Variants in DLC1 observed in about 807,000 individuals in gnomAD.
DLC1 encodes the protein DLC1 Rho GTPase activating protein.
Under a neutral mutation model 140.3 loss-of-function variants are expected in DLC1, and 54 were observed. That is an observed-to-expected ratio of 0.38 (90% confidence interval 0.31 to 0.48). The LOEUF (loss-of-function observed/expected upper bound fraction) is 0.48. Ranked by LOEUF, DLC1 falls within the 20% of genes least tolerant of loss-of-function variation. The probability of loss-of-function intolerance (pLI) is 0.96; values close to 1 mark genes in which losing one functional copy is unlikely to be tolerated. For missense variants in DLC1, 2,536 were observed against 1,907.0 expected (o/e 1.33, Z -6.14); for synonymous variants, 986 against 728.1 (o/e 1.35, Z -5.70).
Position 13,301,422 on chromosome 8 carries a change from G to A in DLC1, c.1348+3847C>T, listed in dbSNP as rs942391391. Among the ~76,000 whole-genome samples, 7 of 152,150 alleles carry A rather than the reference G, an allele frequency of 4.6e-5. No homozygotes were observed. In the South Asian group the frequency reaches 6.2e-4, roughly 14 times the overall value. On this transcript the variant is annotated intron_variant, in intron 5 of 17. Transcript: ENST00000276297. ...CACACAAGGACATCAGTGATGCAGC[G>A]AGTGTCCATTTGTCCTGTAAGCACC...
At chr8:13,134,602 A>G (rs10086729) in intron 5 of DLC1, among the ~76,000 whole-genome samples, 47,301 of 152,040 alleles carry the variant, frequency 0.31, 7,773 homozygotes, top group Admixed American at 0.45. Flanking sequence ...TATTGGTTTC[A>G]TAGCGATATC....
intron 1 of DLC1, among the ~76,000 whole-genome samples, chr8:13,587,630 G>T (rs933715274): frequency 7.4e-5 from 10 of 135,150 alleles, no homozygotes; most frequent in African/African-American, 2.7e-4. Flanking sequence ...TATATACATT[G>T]CCTATATATA....
At chr8:13,562,490 A>G (rs1804276680) in intron 1 of DLC1, among the ~76,000 whole-genome samples, 1 of 152,208 alleles carries the variant, frequency 6.6e-6, no homozygotes, top group Non-Finnish European at 1.5e-5. Flanking sequence ...ACTGCTAATA[A>G]GAAGAATTCA....
At chr8:13,562,669 A>G (rs994297816) in intron 1 of DLC1, among the ~76,000 whole-genome samples, 3 of 152,194 alleles carry the variant, frequency 2.0e-5, no homozygotes, top group Admixed American at 6.5e-5. Flanking sequence ...AAGTAAGTAG[A>G]AAACTACATA....
intron 4 of DLC1, among the ~76,000 whole-genome samples, chr8:13,307,873 C>T (rs1832513818): frequency 6.6e-6 from 1 of 152,140 alleles, no homozygotes; most frequent in Non-Finnish European, 1.5e-5. Flanking sequence ...GGCCTGTGAG[C>T]CACACTAAAC....
Position 13,085,807 on chromosome 8 carries a change from G to T in DLC1, c.*4C>A, listed in dbSNP as rs749177789. 3.7e-6 allele frequency: 6 copies of T among 1,614,124 alleles called. No homozygotes were observed. The South Asian group carries it at 6.6e-5, about 18-fold the overall frequency. Reference sequence around the variant, plus strand: ...TGGTGGAAGCGGTTGCGTTGCTTCAGTGATCACCTAGATTTGGTGTCTTTG... The same window carrying T: ...TGGTGGAAGCGGTTGCGTTGCTTCATTGATCACCTAGATTTGGTGTCTTTG... On this transcript the variant is annotated 3_prime_UTR_variant, in exon 18 of 18. Transcript: ENST00000276297.
intron 5 of DLC1, among the ~76,000 whole-genome samples, chr8:13,193,917 G>C (rs557647116): frequency 6.6e-6 from 1 of 152,004 alleles, no homozygotes. Flanking sequence ...ATCTGACGCC[G>C]CTAAAAAATC....
chr8:13,159,382 A>AG (rs1198215552), intron 5 of DLC1, among the ~76,000 whole-genome samples: 1 of 152,170 alleles, frequency 6.6e-6, no homozygotes, highest in Non-Finnish European at 1.5e-5. Flanking sequence ...GTCACTCTGA[A>AG]GGACTCCAGG....
chr8:13,340,268 T>C (rs1833983303), intron 4 of DLC1: 1 of 152,272 alleles, frequency 6.6e-6, no homozygotes, highest in Non-Finnish European at 1.5e-5. Context: ...GGGAACCATC[T>C]TGGCTCAATG....
chr8:13,103,601 G>C (rs1585629505), intron 7 of DLC1, among the ~76,000 whole-genome samples: 1 of 151,944 alleles, frequency 6.6e-6, no homozygotes, highest in African/African-American at 2.4e-5. Flanking sequence ...CACTTTGGGA[G>C]GCCGAGGCAG....
At chr8:13,337,926 A>G (rs1833876058) in intron 4 of DLC1, among the ~76,000 whole-genome samples, 1 of 152,174 alleles carries the variant, frequency 6.6e-6, no homozygotes, top group Middle Eastern at 3.2e-3. Context: ...TGTATATGCA[A>G]TTTATTACAC....
intron 5 of DLC1, among the ~76,000 whole-genome samples, chr8:13,253,666 C>A (rs368117865): frequency 2.0e-5 from 3 of 152,180 alleles, no homozygotes; most frequent in African/African-American, 7.2e-5. Context: ...AATGCAAACA[C>A]CTTAATCTTA....
At chr8:13,151,556 G>T (rs970132285) in intron 5 of DLC1, among the ~76,000 whole-genome samples, 4 of 151,946 alleles carry the variant, frequency 2.6e-5, no homozygotes, top group Non-Finnish European at 1.5e-5. Flanking sequence ...GACTGAAAAA[G>T]AAAAAAGAAT....
intron 1 of DLC1, among the ~76,000 whole-genome samples, chr8:13,585,805 C>T (rs1159564755): frequency 6.6e-6 from 1 of 152,156 alleles, no homozygotes; most frequent in African/African-American, 2.4e-5. Flanking sequence ...AATTTTCCCT[C>T]TTCATAGGGA....
rs968721727 is a variant in DLC1, at chr8:13,235,090, T to C, written c.1348+70179A>G. On this transcript the variant is annotated intron_variant, in intron 5 of 17. Coordinates refer to ENST00000276297, the MANE Select transcript of DLC1 (RefSeq NM_182643.3). ...TCTTTTGGTGATTTTTGTATTGTGA[T>C]AGAGTCTTATCCAATTATTTAATAA... Among the ~76,000 whole-genome samples the C allele has an allele frequency of 2.6e-5, 4 of 152,228 alleles. No homozygotes were observed. In the South Asian group the frequency reaches 8.3e-4, roughly 32 times the overall value.
intron 1 of DLC1, among the ~76,000 whole-genome samples, chr8:13,548,855 C>A (rs1165320860): frequency 6.6e-6 from 1 of 152,014 alleles, no homozygotes; most frequent in Admixed American, 6.6e-5. Flanking sequence ...TTTCTGACAA[C>A]AGAATTTCTC....
chr8:13,111,283 G>T (rs1231691794), intron 6 of DLC1, among the ~76,000 whole-genome samples: 1 of 152,078 alleles, frequency 6.6e-6, no homozygotes, highest in Non-Finnish European at 1.5e-5. Context: ...AATGAAAAGT[G>T]GTAGGAAATG....
chr8:13,173,382 T>C lies in DLC1; in HGVS notation c.1349-57725A>G, dbSNP rs372352235. Among the ~76,000 whole-genome samples, 580 of 147,448 alleles carry C rather than the reference T, an allele frequency of 3.9e-3. 1 individual carries two copies. Among genetic ancestry groups the C allele is most frequent in the Middle Eastern group, 0.01 (3 of 290 alleles). On this transcript the variant is annotated intron_variant, in intron 5 of 17. Coordinates refer to ENST00000276297, the MANE Select transcript of DLC1 (RefSeq NM_182643.3). Reference sequence around the variant, plus strand: ...TGTTCTGCCCTCTTTTTTTTTTTTTTTTTTTTTTGAGACGGAGTCTTGCTC... The same window carrying C: ...TGTTCTGCCCTCTTTTTTTTTTTTTCTTTTTTTTGAGACGGAGTCTTGCTC...
At chr8:13,276,414 C>T in intron 5 of DLC1, 1 of 1,463,404 alleles carries the variant, frequency 6.8e-7, no homozygotes, top group Non-Finnish European at 9.0e-7. Context: ...CTCGCAGACG[C>T]CTTCAGCGCA....
Sources: allele counts gnomAD v4.1 joint callset (sites outside exome capture counted in the v4.1 genomes callset), GRCh38; gene constraint gnomAD v4.1.1; transcripts MANE v1.5; gene names NCBI Gene and HGNC (gene_info 2026-07-23, HGNC 2026-07-21).